ZDHHC14: variants seen among roughly 807,000 people sequenced by gnomAD.
The protein encoded by ZDHHC14 is zDHHC palmitoyltransferase 14, also known as palmitoyltransferase ZDHHC14.
Under a neutral mutation model 47.7 loss-of-function variants are expected in ZDHHC14, and 16 were observed. The ratio of observed to expected loss-of-function variants is 0.34; its 90% CI spans 0.23 to 0.51. ZDHHC14 has a LOEUF of 0.51. ZDHHC14 is among the 20% of genes least tolerant of loss of function. The probability of loss-of-function intolerance (pLI) is 0.97; values close to 1 mark genes in which losing one functional copy is unlikely to be tolerated. For missense variants in ZDHHC14, 515 were observed against 662.5 expected (o/e 0.78, Z 2.44); for synonymous variants, 293 against 278.9 (o/e 1.05, Z -0.50).
intron 8 of ZDHHC14, among the ~76,000 whole-genome samples, chr6:157,657,825 T>C (rs1778171498): frequency 6.6e-6 from 1 of 152,212 alleles, no homozygotes; most frequent in East Asian, 1.9e-4. Flanking sequence ...CAGCAGGCTT[T>C]AAGATGCCTT....
intron 1 of ZDHHC14, chr6:157,529,049 T>A (rs1220431917): frequency 6.5e-6 from 1 of 154,554 alleles, no homozygotes; most frequent in African/African-American, 2.4e-5. Flanking sequence ...AGTATATCCT[T>A]GTAGTTGCTA....
intron 1 of ZDHHC14, among the ~76,000 whole-genome samples, chr6:157,476,567 T>C (rs1219468379): frequency 6.6e-6 from 1 of 152,198 alleles, no homozygotes; most frequent in Non-Finnish European, 1.5e-5. Context: ...GAGGCCAGCA[T>C]GTCCTGAGAG....
chr6:157,467,250 C>T (rs1163458394), intron 1 of ZDHHC14, among the ~76,000 whole-genome samples: 1 of 152,152 alleles, frequency 6.6e-6, no homozygotes, highest in African/African-American at 2.4e-5. Flanking sequence ...ACAACTATCA[C>T]TCTTCTCTAG....
At chr6:157,568,830 G>A (rs1472952288) in intron 2 of ZDHHC14, among the ~76,000 whole-genome samples, 1 of 152,086 alleles carries the variant, frequency 6.6e-6, no homozygotes, top group Admixed American at 6.5e-5. Context: ...TCGCTTGTTT[G>A]AAATTGGGGG....
At chr6:157,553,313 A>G (rs1782322723) in intron 2 of ZDHHC14, among the ~76,000 whole-genome samples, 1 of 152,138 alleles carries the variant, frequency 6.6e-6, no homozygotes, top group African/African-American at 2.4e-5. Context: ...TTTTGCTAAA[A>G]TTGAGCATTG....
At chr6:157,504,409 A>G (rs776474886) in intron 1 of ZDHHC14, among the ~76,000 whole-genome samples, 3 of 150,382 alleles carry the variant, frequency 2.0e-5, no homozygotes, top group Non-Finnish European at 4.4e-5. Flanking sequence ...CGGCTTCCCA[A>G]AGTGCTGGGA....
chr6:157,514,864 C>G (rs1583735109), intron 1 of ZDHHC14, among the ~76,000 whole-genome samples: 4 of 152,266 alleles, frequency 2.6e-5, no homozygotes, highest in Admixed American at 2.6e-4. Context: ...GGGCCTGGGT[C>G]TCAGGGGAGA....
chr6:157,542,882 C>T, intron 2 of ZDHHC14, 137 bp downstream of exon 2: 3 of 1,099,820 alleles, frequency 2.7e-6, no homozygotes, highest in South Asian at 1.7e-5. Flanking sequence ...CGTTCCTTAG[C>T]TCGCTGGGTG....
chr6:157,531,932 C>T (rs890940269), intron 1 of ZDHHC14, among the ~76,000 whole-genome samples: 1 of 152,284 alleles, frequency 6.6e-6, no homozygotes, highest in Non-Finnish European at 1.5e-5. Context: ...GGCCTGGCCT[C>T]GTTCTGCGGG....
rs771224236 is a variant in ZDHHC14, at chr6:157,673,094, G to A, written c.1439G>A (p.Arg480His). 233 of 1,573,668 alleles carry A rather than the reference G, an allele frequency of 1.5e-4. No individual in the cohort carries two copies. Among genetic ancestry groups the A allele is most frequent in the Middle Eastern group, 2.0e-4 (1 of 4,938 alleles). Residue 480 changes from arginine (R) to histidine (H), a missense_variant, in exon 9 of 9, where the codon CGC (arginine) becomes CAC (histidine). This residue lies in a region of ZDHHC14 where 221 missense variants were observed against 233.6 expected (regional missense o/e 0.95). Transcript: ENST00000359775. The surrounding 1 kb of genome is among the most constrained non-coding windows in gnomAD (Gnocchi z 5.4). ...GACTCCCTGCATGAGGACTCTGTGC[G>A]CGGCCTGGTGAAGCTCAGCTCCGTG... ...SQDSLHEDSV[R>H]GLVKLSSV
chr6:157,556,300 C>T lies in ZDHHC14; in HGVS notation c.406+13555C>T, dbSNP rs1782461552. Among the ~76,000 whole-genome samples the T allele has an allele frequency of 3.3e-5, 5 of 152,136 alleles. No individual in the cohort carries two copies. In the South Asian group the frequency reaches 1.0e-3, roughly 32 times the overall value. On this transcript the variant is annotated intron_variant, in intron 2 of 8. Transcript: ENST00000359775. ...GGGATGGCCAGCACCCCACAGCGCT[C>T]GCTGTCCCCGGGCCCCATGTGTGTG...
intron 8 of ZDHHC14, among the ~76,000 whole-genome samples, chr6:157,656,654 G>C (rs1397029229): frequency 6.6e-6 from 1 of 150,746 alleles, no homozygotes; most frequent in Non-Finnish European, 1.5e-5. Context: ...TACTTATTAA[G>C]GCATCTGTTA....
At chr6:157,493,276 C>T (rs1199512417) in intron 1 of ZDHHC14, among the ~76,000 whole-genome samples, 1 of 152,208 alleles carries the variant, frequency 6.6e-6, no homozygotes, top group Non-Finnish European at 1.5e-5. Flanking sequence ...GACCCGTGAC[C>T]TTGTGATGAA....
intron 1 of ZDHHC14, among the ~76,000 whole-genome samples, chr6:157,411,470 C>A (rs1777868406): frequency 6.6e-6 from 1 of 152,182 alleles, no homozygotes; most frequent in African/African-American, 2.4e-5. Context: ...CATGCAAAAA[C>A]TCTTGCCATC....
chr6:157,650,614 C>A (rs1294233151), intron 7 of ZDHHC14, among the ~76,000 whole-genome samples: 5 of 151,736 alleles, frequency 3.3e-5, no homozygotes, highest in Admixed American at 2.6e-4. Flanking sequence ...ATAAAATCCC[C>A]TGCAAGCCCC....
chr6:157,561,991 G>T (rs1022423965), intron 2 of ZDHHC14, among the ~76,000 whole-genome samples: 1 of 152,144 alleles, frequency 6.6e-6, no homozygotes, highest in Non-Finnish European at 1.5e-5. Flanking sequence ...AGTATCTGAG[G>T]TTTTTGTGGG....
At chr6:157,506,015 T>G (rs969712803) in intron 1 of ZDHHC14, among the ~76,000 whole-genome samples, 1 of 152,170 alleles carries the variant, frequency 6.6e-6, no homozygotes, top group Non-Finnish European at 1.5e-5. Flanking sequence ...GCTTGGTAAC[T>G]TGCACCTCTC....
intron 2 of ZDHHC14, among the ~76,000 whole-genome samples, chr6:157,548,747 C>T (rs997371110): frequency 6.6e-6 from 1 of 152,222 alleles, no homozygotes; most frequent in Non-Finnish European, 1.5e-5. Context: ...CAGCCAGCCT[C>T]TGGCCTGTTC....
chr6:157,466,860 A>T (rs1779230820), intron 1 of ZDHHC14, among the ~76,000 whole-genome samples: 1 of 151,980 alleles, frequency 6.6e-6, no homozygotes, highest in African/African-American at 2.4e-5. Flanking sequence ...AAAAAAAATT[A>T]TTATTTTTTT....
Sources: gnomAD v4.1 joint callset for allele counts (sites outside exome capture counted in the v4.1 genomes callset) on GRCh38, gnomAD v4.1.1 for gene constraint, gnomAD v4.1.1 regional missense constraint, Gnocchi (gnomAD v3.1) non-coding constraint, MANE v1.5 for transcripts, NCBI Gene and HGNC (gene_info 2026-07-23, HGNC 2026-07-21) for gene names.